Variants in LVRN observed in about 807,000 individuals in gnomAD.
LVRN encodes laeverin, also known as aminopeptidase Q.
In LVRN, 99 loss-of-function variants were observed where a neutral mutation model predicts 111.4. That is an observed-to-expected ratio of 0.89 (90% CI 0.76 to 1.05). The LOEUF (loss-of-function observed/expected upper bound fraction) is 1.05. LVRN is among the 50% of genes least tolerant of loss of function. LVRN has a pLI of 0.00. For missense variants in LVRN, 1,414 were observed against 1,206.8 expected (o/e 1.17, Z -2.54); for synonymous variants, 488 against 449.5 (o/e 1.09, Z -1.08).
chr5:115,965,582 G>A (rs1199143441), intron 1 of LVRN, among the ~76,000 whole-genome samples: 6 of 152,098 alleles, frequency 3.9e-5, no homozygotes, highest in Admixed American at 2.6e-4. Context: ...ACCTCATATG[G>A]TTTTGTTGTG....
intron 6 of LVRN, chr5:115,995,711 A>G (rs540920009): frequency 6.6e-6 from 1 of 152,386 alleles, no homozygotes; most frequent in Non-Finnish European, 1.5e-5. Flanking sequence ...AGCACTACAC[A>G]TACATCATCT....
chr5:116,025,837 C>T, intron 19 of LVRN, 141 bp from the exon 20 acceptor site: 1 of 1,047,600 alleles, frequency 9.5e-7, no homozygotes, highest in South Asian at 1.7e-5. Flanking sequence ...CAGGGACACA[C>T]AACCTAGGAG....
chr5:116,012,904 T>C (rs1373542274), intron 15 of LVRN, among the ~76,000 whole-genome samples: 2 of 152,216 alleles, frequency 1.3e-5, no homozygotes, highest in Non-Finnish European at 2.9e-5. Flanking sequence ...GACAGTGATA[T>C]AGATCAGTCA....
At chr5:115,981,870 T>C (rs1262625682) in intron 1 of LVRN, among the ~76,000 whole-genome samples, 3 of 152,060 alleles carry the variant, frequency 2.0e-5, no homozygotes, top group Admixed American at 6.6e-5. Context: ...ATAGGAGAAT[T>C]CAAAGGTGAT....
chr5:115,962,530 G>T lies in LVRN; in HGVS notation c.-88G>T. On this transcript the variant is annotated 5_prime_UTR_variant, in exon 1 of 20. Transcript: ENST00000357872. ...GCACGATACAAGAGAGGAGGGGCAG[G>T]GGTCGCAGCACTGAACACCCTGGCC... 8.5e-7 allele frequency: 1 copy of T among 1,182,852 alleles called. No homozygotes were observed. Among genetic ancestry groups the T allele is most frequent in the East Asian group, 2.4e-5 (1 of 41,496 alleles). 73.3% of individuals were successfully genotyped at this position (1,182,852 alleles called of 1,614,324 possible).
intron 10 of LVRN, among the ~76,000 whole-genome samples, chr5:116,002,555 G>A (rs895959747): frequency 1.2e-4 from 18 of 152,114 alleles, no homozygotes; most frequent in African/African-American, 4.1e-4. Flanking sequence ...ACATACACAC[G>A]CCTTGAAGAT....
chr5:115,990,113 C>T (rs760612812), intron 4 of LVRN, among the ~76,000 whole-genome samples: 8 of 152,104 alleles, frequency 5.3e-5, no homozygotes, highest in Admixed American at 3.3e-4. Context: ...TGTTCATGTA[C>T]CCCTTATATA....
At chr5:115,985,327 C>A (rs1249514292) in intron 3 of LVRN, among the ~76,000 whole-genome samples, 1 of 152,086 alleles carries the variant, frequency 6.6e-6, no homozygotes, top group African/African-American at 2.4e-5. Context: ...ATTAAGGGAA[C>A]TTAAAGACAG....
intron 1 of LVRN, among the ~76,000 whole-genome samples, chr5:115,963,582 A>G (rs1753138863): frequency 1.3e-5 from 2 of 152,200 alleles, no homozygotes; most frequent in African/African-American, 4.8e-5. Flanking sequence ...CATTAGGTAT[A>G]TCTCCCAATG....
At chr5:115,994,502 G>C (rs1748063530) in intron 6 of LVRN, among the ~76,000 whole-genome samples, 1 of 152,082 alleles carries the variant, frequency 6.6e-6, no homozygotes. Context: ...CAAACTCCTG[G>C]ACTCAAGGGA....
intron 7 of LVRN, 26 bp downstream of exon 7, chr5:115,999,928 G>C (rs760017043): frequency 6.3e-7 from 1 of 1,592,664 alleles, no homozygotes; most frequent in African/African-American, 1.4e-5. Context: ...AATTTCCTTT[G>C]GTTTTGTACT....
chr5:116,025,039 A>G (rs1748832950), intron 19 of LVRN, among the ~76,000 whole-genome samples: 1 of 152,030 alleles, frequency 6.6e-6, no homozygotes, highest in Non-Finnish European at 1.5e-5. Context: ...AAGCCCACCT[A>G]CAATCCCAAA....
intron 4 of LVRN, among the ~76,000 whole-genome samples, chr5:115,988,459 T>C (rs1206985565): frequency 1.3e-5 from 2 of 152,180 alleles, no homozygotes; most frequent in Non-Finnish European, 2.9e-5. Context: ...TAAGGAAATA[T>C]GTAAATATTT....
intron 1 of LVRN, among the ~76,000 whole-genome samples, chr5:115,963,530 C>T (rs929567901): frequency 6.6e-6 from 1 of 152,156 alleles, no homozygotes; most frequent in Non-Finnish European, 1.5e-5. Context: ...CATATGTATA[C>T]GTGTGCCATA....
chr5:115,976,109 G>A (rs1289418353), intron 1 of LVRN: 3 of 152,322 alleles, frequency 2.0e-5, no homozygotes, highest in African/African-American at 7.2e-5. Flanking sequence ...CCAGTGACTA[G>A]CGGCCACAGC....
intron 1 of LVRN, among the ~76,000 whole-genome samples, chr5:115,966,939 A>G (rs1470342193): frequency 1.3e-5 from 2 of 152,166 alleles, no homozygotes; most frequent in Non-Finnish European, 2.9e-5. Flanking sequence ...CCATCTGTAT[A>G]TCAGTCAGTG....
intron 6 of LVRN, among the ~76,000 whole-genome samples, chr5:115,996,487 A>G (rs1321368428): frequency 1.3e-5 from 2 of 152,176 alleles, no homozygotes; most frequent in Non-Finnish European, 2.9e-5. Context: ...TTGTTTTTAA[A>G]AAGCTTAAGC....
At chr5:115,984,858 T>C in intron 3 of LVRN, 149 bp downstream of exon 3, 3 of 1,110,880 alleles carry the variant, frequency 2.7e-6, no homozygotes. Flanking sequence ...TTAGTGTGGC[T>C]TTGCAGAATG....
At chr5:115,976,488 C>G (rs923605696) in intron 1 of LVRN, among the ~76,000 whole-genome samples, 1 of 152,042 alleles carries the variant, frequency 6.6e-6, no homozygotes, top group Non-Finnish European at 1.5e-5. Flanking sequence ...TTACTTTGGG[C>G]TTTATTTTTA....
Sources: gnomAD v4.1 joint callset for allele counts (sites outside exome capture counted in the v4.1 genomes callset) on GRCh38, gnomAD v4.1.1 for gene constraint, MANE v1.5 for transcripts, NCBI Gene and HGNC (gene_info 2026-07-23, HGNC 2026-07-21) for gene names.